Variants in DLG2 observed in about 807,000 individuals in gnomAD.
DLG2 encodes disks large homolog 2.
A neutral mutation model predicts 132.5 loss-of-function variants in DLG2; 45 were observed. The observed-to-expected ratio is 0.34, with a 90% CI of 0.27 to 0.44. DLG2 has a LOEUF of 0.44. Among genes scored for constraint, DLG2 ranks in the 20% least tolerant of loss-of-function variants. DLG2 has a pLI of 1.00. For synonymous variants in DLG2, 424 were observed against 419.6 expected, an observed-to-expected ratio of 1.01 and a Z score of -0.13; for missense variants, 1,045 against 1,196.9, an observed-to-expected ratio of 0.87 and a Z score of 1.87.
At chr11:84,794,830 C>T (rs376132988) in intron 6 of DLG2, among the ~76,000 whole-genome samples, 9 of 152,352 alleles carry the variant, frequency 5.9e-5, no homozygotes, top group African/African-American at 2.2e-4. Context: ...ACTTTGGCTG[C>T]TGACCAGCAC....
intron 3 of DLG2, among the ~76,000 whole-genome samples, chr11:85,410,801 T>C (rs1004577400): frequency 4.6e-5 from 7 of 151,742 alleles, no homozygotes; most frequent in African/African-American, 2.4e-5. Context: ...CTAAACTGAG[T>C]AGGAGTCTGT....
intron 6 of DLG2, among the ~76,000 whole-genome samples, chr11:84,976,310 A>G (rs2054896810): frequency 6.6e-6 from 1 of 152,140 alleles, no homozygotes; most frequent in Admixed American, 6.5e-5. Context: ...TTTAATACCA[A>G]TTGAACTAAT....
chr11:83,939,305 G>A (rs12279346), intron 14 of DLG2, among the ~76,000 whole-genome samples: 1 of 152,076 alleles, frequency 6.6e-6, no homozygotes, highest in African/African-American at 2.4e-5. Flanking sequence ...TCAGCAGACC[G>A]GTGGGCAGGG....
At chr11:85,621,477 A>G (rs1182658624) in intron 2 of DLG2, among the ~76,000 whole-genome samples, 1 of 152,250 alleles carries the variant, frequency 6.6e-6, no homozygotes, top group East Asian at 1.9e-4. Flanking sequence ...AACCTCCTGG[A>G]AAGAACTCAT....
intron 6 of DLG2, among the ~76,000 whole-genome samples, chr11:84,719,221 C>G (rs769383302): frequency 8.5e-5 from 13 of 152,212 alleles, no homozygotes; most frequent in Non-Finnish European, 1.8e-4. Flanking sequence ...ATTAACTTTA[C>G]TGCCTAAGGT....
At chr11:85,095,108 C>A (rs2069502650) in intron 6 of DLG2, among the ~76,000 whole-genome samples, 1 of 152,062 alleles carries the variant, frequency 6.6e-6, no homozygotes, top group South Asian at 2.1e-4. Flanking sequence ...GTTCTTGATC[C>A]TATATGGGCA....
At chr11:83,838,327 G>A (rs891023967) in intron 16 of DLG2, among the ~76,000 whole-genome samples, 7 of 152,120 alleles carry the variant, frequency 4.6e-5, no homozygotes, top group African/African-American at 1.4e-4. Flanking sequence ...TTTTCCTTAT[G>A]TTTGAAAAAT....
intron 7 of DLG2, among the ~76,000 whole-genome samples, chr11:84,432,578 T>C (rs562600075): frequency 1.3e-5 from 2 of 152,316 alleles, no homozygotes; most frequent in Non-Finnish European, 2.9e-5. Context: ...GTGCCCCTTA[T>C]ATTCTACTAA....
intron 3 of DLG2, among the ~76,000 whole-genome samples, chr11:85,592,884 C>T (rs1310280028): frequency 6.6e-6 from 1 of 150,784 alleles, no homozygotes; most frequent in Non-Finnish European, 1.5e-5. Context: ...CCCCAGAAAG[C>T]AGAGGTTGCA....
chr11:84,176,713 T>C (rs1277842739), intron 8 of DLG2, among the ~76,000 whole-genome samples: 4 of 152,030 alleles, frequency 2.6e-5, no homozygotes, highest in Non-Finnish European at 5.9e-5. Context: ...ACCAATTCTA[T>C]CTCTAGAAGT....
chr11:85,428,412 A>G (rs2090930142), intron 3 of DLG2, among the ~76,000 whole-genome samples: 3 of 152,238 alleles, frequency 2.0e-5, no homozygotes, highest in Admixed American at 2.0e-4. Flanking sequence ...AAGAACAAAA[A>G]TTATAACAAA....
chr11:85,249,084 T>C (rs945460992), intron 4 of DLG2, among the ~76,000 whole-genome samples: 6 of 152,122 alleles, frequency 3.9e-5, no homozygotes, highest in African/African-American at 1.2e-4. Flanking sequence ...TCACTACATG[T>C]TGAAAATAAA....
chr11:84,418,885 A>C (rs2098938994), intron 7 of DLG2, among the ~76,000 whole-genome samples: 1 of 152,092 alleles, frequency 6.6e-6, no homozygotes, highest in Non-Finnish European at 1.5e-5. Flanking sequence ...TTAATTTTCC[A>C]TATTTTCCTT....
At chr11:85,400,932 T>A (rs977240395) in intron 3 of DLG2, among the ~76,000 whole-genome samples, 2 of 139,132 alleles carry the variant, frequency 1.4e-5, no homozygotes, top group Admixed American at 7.3e-5. Context: ...TAAAGTATAA[T>A]AATAATTAAA....
chr11:84,252,473 C>T (rs1030980530), intron 7 of DLG2, among the ~76,000 whole-genome samples: 1 of 152,070 alleles, frequency 6.6e-6, no homozygotes, highest in Non-Finnish European at 1.5e-5. Flanking sequence ...TCATAAACCT[C>T]TAAATCCCTA....
chr11:84,865,869 G>C (rs1385803349), intron 6 of DLG2, among the ~76,000 whole-genome samples: 1 of 152,172 alleles, frequency 6.6e-6, no homozygotes, highest in African/African-American at 2.4e-5. Flanking sequence ...AGAATCTCCA[G>C]GGTAAAAGAA....
chr11:84,844,135 G>GTGTGTA (rs1227140689), intron 6 of DLG2, among the ~76,000 whole-genome samples: 2 of 43,704 alleles, frequency 4.6e-5, no homozygotes, highest in Admixed American at 5.6e-4. Flanking sequence ...GTGTGTGTGT[G>GTGTGTA]TATATATATA....
intron 14 of DLG2, among the ~76,000 whole-genome samples, chr11:83,935,657 G>A (rs977886630): frequency 6.6e-6 from 1 of 152,158 alleles, no homozygotes; most frequent in Admixed American, 6.5e-5. Flanking sequence ...GGCAGTTGGA[G>A]TAGATGCCTA....
At chr11:84,338,846 C>T (rs977278022) in intron 7 of DLG2, among the ~76,000 whole-genome samples, 4 of 152,012 alleles carry the variant, frequency 2.6e-5, no homozygotes, top group African/African-American at 9.7e-5. Flanking sequence ...AGTGGTAATA[C>T]ATACTTTGAA....
Sources: gnomAD v4.1 joint callset for allele counts (sites outside exome capture counted in the v4.1 genomes callset) on GRCh38, gnomAD v4.1.1 for gene constraint, MANE v1.5 for transcripts, NCBI Gene and HGNC (gene_info 2026-07-23, HGNC 2026-07-21) for gene names.